Variants in SLC25A48 observed in about 807,000 individuals in gnomAD.
SLC25A48 encodes the protein CTC-321K16.1.
SLC25A48 carries 29 observed loss-of-function variants against 32.2 expected under a neutral mutation model. The ratio of observed to expected loss-of-function variants is 0.90; its 90% CI spans 0.67 to 1.23. SLC25A48 has a LOEUF of 1.23. Among genes scored for constraint, SLC25A48 ranks in the 50% most tolerant of loss-of-function variants. The pLI, the probability that SLC25A48 is intolerant of heterozygous loss-of-function variation, is 0.00. For synonymous variants in SLC25A48, 164 were observed against 172.3 expected (o/e 0.95, Z 0.38); for missense variants, 399 against 422.7 (o/e 0.94, Z 0.49).
At chr5:135,734,771 C>A (rs1489968898) in intron 3 of SLC25A48, among the ~76,000 whole-genome samples, 1 of 147,938 alleles carries the variant, frequency 6.8e-6, no homozygotes, top group South Asian at 2.1e-4. Flanking sequence ...GAGCTGAGAT[C>A]GTGCCACTGC....
intron 2 of SLC25A48, among the ~76,000 whole-genome samples, chr5:135,631,268 C>T (rs1328926990): frequency 6.6e-6 from 1 of 152,186 alleles, no homozygotes; most frequent in African/African-American, 2.4e-5. Context: ...AGAGGGGCTT[C>T]TTCATTCAAA....
intron 4 of SLC25A48, among the ~76,000 whole-genome samples, chr5:135,869,319 C>T (rs1426834648): frequency 6.6e-6 from 1 of 152,054 alleles, no homozygotes; most frequent in Non-Finnish European, 1.5e-5. Context: ...CACTAACAGC[C>T]ATAAATGGGT....
chr5:135,786,179 A>G (rs1756844837), intron 3 of SLC25A48, among the ~76,000 whole-genome samples: 1 of 151,070 alleles, frequency 6.6e-6, no homozygotes, highest in Admixed American at 6.6e-5. Flanking sequence ...AGACGGTACT[A>G]TTACTCCCCA....
chr5:135,615,102 A>T (rs192549184), intron 1 of SLC25A48, among the ~76,000 whole-genome samples: 2 of 152,340 alleles, frequency 1.3e-5, no homozygotes, highest in Non-Finnish European at 2.9e-5. Flanking sequence ...TTATTTCTTT[A>T]TAGCAGTATT....
At chr5:135,857,133 C>T (rs1760396409) in intron 4 of SLC25A48, among the ~76,000 whole-genome samples, 1 of 152,210 alleles carries the variant, frequency 6.6e-6, no homozygotes, top group East Asian at 1.9e-4. Flanking sequence ...AAATACTTTC[C>T]TTAAGAAGGT....
intron 6 of SLC25A48, 67 bp downstream of exon 6, chr5:135,874,221 A>T (rs1761878649): frequency 1.4e-6 from 2 of 1,387,872 alleles, no homozygotes; most frequent in Non-Finnish European, 1.9e-6. Flanking sequence ...ATTTAGGGGG[A>T]TGTGGGACTA....
chr5:135,845,739 G>A (rs1759351648), intron 2 of SLC25A48, among the ~76,000 whole-genome samples: 1 of 152,194 alleles, frequency 6.6e-6, no homozygotes, highest in Admixed American at 6.5e-5. Flanking sequence ...CTACTATCAA[G>A]AATAGACAGG....
At position 135,721,192 on chromosome 5, in the gene SLC25A48, CTTTTTT is replaced by C. The variant is rs757412641; in HGVS notation, c.-521+86260_-521+86265del. Among the ~76,000 whole-genome samples, 18 of 53,878 alleles carry C rather than the reference CTTTTTT, an allele frequency of 3.3e-4. 1 individual carries two copies. Among genetic ancestry groups the C allele is most frequent in the South Asian group, 7.3e-4 (1 of 1,362 alleles). 35.3% of individuals were successfully genotyped at this position (53,878 alleles called of 152,430 possible). A position where few individuals can be genotyped will look rare whatever the true frequency, so the allele number is the denominator to read the frequency against. ...GAGTAGCTGGGACACCATGCCTGGCCTTTTTTTTTTTTTTTTTTTTTTTTTTTTTGA... is the reference window on the plus strand; with the variant it reads ...GAGTAGCTGGGACACCATGCCTGGCCTTTTTTTTTTTTTTTTTTTTTTTGA... On this transcript the variant is annotated intron_variant, in intron 3 of 10. Transcript: ENST00000646290.
chr5:135,714,996 G>A (rs894237034), intron 3 of SLC25A48, among the ~76,000 whole-genome samples: 3 of 152,202 alleles, frequency 2.0e-5, no homozygotes, highest in African/African-American at 7.2e-5. Flanking sequence ...TGTAACAAAG[G>A]GGAGTCTCTG....
chr5:135,622,450 A>T (rs2126899704), intron 1 of SLC25A48, among the ~76,000 whole-genome samples: 1 of 152,348 alleles, frequency 6.6e-6, no homozygotes, highest in South Asian at 2.1e-4. Context: ...ATAGTTAACT[A>T]AATCATGGCC....
chr5:135,815,970 C>T (rs1430688510), intron 4 of SLC25A48, among the ~76,000 whole-genome samples: 1 of 152,124 alleles, frequency 6.6e-6, no homozygotes, highest in Non-Finnish European at 1.5e-5. Context: ...AATTTATAAA[C>T]AAAAGAGGTT....
chr5:135,823,302 G>A (rs564010902), intron 4 of SLC25A48, among the ~76,000 whole-genome samples: 4 of 152,280 alleles, frequency 2.6e-5, no homozygotes, highest in Admixed American at 6.5e-5. Context: ...CTCTGGGTCT[G>A]GCATAGTCAA....
Position 135,681,138 on chromosome 5 carries a change from G to C in SLC25A48, c.-521+46182G>C, listed in dbSNP as rs540746303. On this transcript the variant is annotated intron_variant, in intron 3 of 10. Transcript: ENST00000646290. ...GTGGCCGGGATTACAGGCATGCCCG[G>C]CTAATTTTGTATCTTTAGTAGAGAT... Among the ~76,000 whole-genome samples the C allele has an allele frequency of 7.3e-4, 111 of 152,116 alleles. 1 individual carries two copies. The South Asian group carries it at 0.021, about 29-fold the overall frequency.
intron 4 of SLC25A48, among the ~76,000 whole-genome samples, chr5:135,823,532 T>A (rs959917028): frequency 1.3e-5 from 2 of 152,226 alleles, no homozygotes; most frequent in Admixed American, 1.3e-4. Flanking sequence ...TTTCTTCCAA[T>A]ACTTGGTGTC....
intron 1 of SLC25A48, among the ~76,000 whole-genome samples, chr5:135,838,185 G>A (rs1233768463): frequency 6.6e-6 from 1 of 152,224 alleles, no homozygotes; most frequent in African/African-American, 2.4e-5. Context: ...CCCTGCCTTA[G>A]AGATCTGTGG....
intron 1 of SLC25A48, among the ~76,000 whole-genome samples, chr5:135,602,230 C>T (rs572957297): frequency 6.6e-6 from 1 of 152,344 alleles, no homozygotes; most frequent in East Asian, 1.9e-4. Flanking sequence ...ATTGAGAACA[C>T]TCAGTAAGGC....
rs757412641 is a variant in SLC25A48, at chr5:135,721,192, C to CTTTTTTTTTTTTTTT, written c.-521+86251_-521+86265dup. On this transcript the variant is annotated intron_variant, in intron 3 of 10. Transcript: ENST00000646290. ...GAGTAGCTGGGACACCATGCCTGGC[C>CTTTTTTTTTTTTTTT]TTTTTTTTTTTTTTTTTTTTTTTTT... 1.1e-3 allele frequency among the ~76,000 whole-genome samples: 58 copies of CTTTTTTTTTTTTTTT among 53,882 alleles called. 9 individuals are homozygous for CTTTTTTTTTTTTTTT. Among genetic ancestry groups the CTTTTTTTTTTTTTTT allele is most frequent in the Non-Finnish European group, 1.6e-3 (38 of 23,716 alleles). The allele number at this position is 53,882 out of a possible 152,430, so 35.3% of individuals were successfully genotyped here.
intron 3 of SLC25A48, among the ~76,000 whole-genome samples, chr5:135,668,228 C>T (rs1043567368): frequency 6.6e-6 from 1 of 152,144 alleles, no homozygotes; most frequent in Non-Finnish European, 1.5e-5. Context: ...ATCATAATGA[C>T]CAAATGATCA....
rs773842205 is a variant in SLC25A48, at chr5:135,834,823, G to A, written c.-25G>A. On this transcript the variant is annotated 5_prime_UTR_variant, in exon 1 of 8. Transcript: ENST00000681962. ...TCTAAGTGGGCACTGCCCCGGCTCCGGGAGGGCGAGACCGAGCGCCGGCCA... is the reference window on the plus strand; with the variant it reads ...TCTAAGTGGGCACTGCCCCGGCTCCAGGAGGGCGAGACCGAGCGCCGGCCA... 6 of 1,580,930 alleles carry A rather than the reference G, an allele frequency of 3.8e-6. No homozygotes were observed. The South Asian group carries it at 5.8e-5, about 15-fold the overall frequency.
Sources: allele counts gnomAD v4.1 joint callset (sites outside exome capture counted in the v4.1 genomes callset), GRCh38; gene constraint gnomAD v4.1.1; transcripts MANE v1.5; gene names NCBI Gene and HGNC (gene_info 2026-07-23, HGNC 2026-07-21).